ZNF335: variants seen among roughly 807,000 people sequenced by gnomAD.
ZNF335 encodes the protein NRC-interacting factor 1.
A neutral mutation model predicts 145.6 loss-of-function variants in ZNF335; 84 were observed. The ratio of observed to expected loss-of-function variants is 0.58; its 90% confidence interval spans 0.48 to 0.69. The LOEUF is 0.69. ZNF335 is among the 30% of genes least tolerant of loss of function. ZNF335 has a pLI of 0.00. For missense variants in ZNF335, 1,865 were observed against 1,809.7 expected, an observed-to-expected ratio of 1.03 and a Z score of -0.55; for synonymous variants, 761 against 717.0, an observed-to-expected ratio of 1.06 and a Z score of -0.98.
Position 45,963,664 on chromosome 20 carries a change from G to A in ZNF335, c.1356-14C>T. On this transcript the variant is annotated splice_polypyrimidine_tract_variant and intron_variant, in intron 8 of 27. Coordinates refer to ENST00000322927, the MANE Select transcript of ZNF335 (RefSeq NM_022095.4). Reference sequence around the variant, plus strand: ...TTGTAATAGTACCTGCAGGATGAGAGTGTGGCGGAAAGGTCTGGTGGGGTT... The same window carrying A: ...TTGTAATAGTACCTGCAGGATGAGAATGTGGCGGAAAGGTCTGGTGGGGTT... 1 of 1,613,944 alleles carries A rather than the reference G, an allele frequency of 6.2e-7. No individual in the cohort carries two copies. Among genetic ancestry groups the A allele is most frequent in the Non-Finnish European group, 8.5e-7 (1 of 1,179,792 alleles).
intron 20 of ZNF335, 99 bp from the exon 21 acceptor site, chr20:45,950,694 T>TGGAC (rs1298068313): frequency 2.6e-6 from 4 of 1,548,520 alleles, no homozygotes; most frequent in Non-Finnish European, 3.5e-6. Context: ...CCAGACAAAG[T>TGGAC]GGACCTGGGA....
intron 3 of ZNF335, chr20:45,968,567 G>A (rs1181899938): frequency 1.0e-5 from 5 of 488,588 alleles, no homozygotes; most frequent in African/African-American, 1.9e-5. Context: ...GTGACATGCT[G>A]ACTCAGCAGC....
At chr20:45,958,967 A>G (rs1159216064) in intron 15 of ZNF335, among the ~76,000 whole-genome samples, 1 of 152,216 alleles carries the variant, frequency 6.6e-6, no homozygotes, top group East Asian at 1.9e-4. Flanking sequence ...ATTCTTGTAT[A>G]AGAGAGAATA....
At chr20:45,965,585 T>C (rs1270840242) in intron 7 of ZNF335, 43 bp downstream of exon 7, 1 of 1,574,586 alleles carries the variant, frequency 6.4e-7, no homozygotes, top group Non-Finnish European at 8.6e-7. Context: ...GAGAGGCCAC[T>C]CCTGACCCAC....
rs2083656610 is a variant in ZNF335, at chr20:45,952,690, C to A, written c.2722G>T (p.Ala908Ser). Residue 908 changes from alanine to serine, a missense_variant, in exon 19 of 28, where the codon GCA (alanine) becomes TCA (serine). By Grantham distance (99) the Ala-to-Ser change is moderately conservative (BLOSUM62 1). Coordinates refer to ENST00000322927, the MANE Select transcript of ZNF335 (RefSeq NM_022095.4). ...TPYSEEPAGE[A>S]AQAVVVSDTL... ...TCACTCACAACCACAGCCTGGGCTG[C>A]CTCTCCTGCGGGCTCCTCGCTGTGG... 6.2e-7 allele frequency: 1 copy of A among 1,613,606 alleles called. No homozygotes were observed. Among genetic ancestry groups the A allele is most frequent in the African/African-American group, 1.3e-5 (1 of 74,898 alleles).
chr20:45,957,881 C>A lies in ZNF335; in HGVS notation c.2301G>T (p.Leu767Phe), dbSNP rs948465597. 1 of 1,613,890 alleles carries A rather than the reference C, an allele frequency of 6.2e-7. No individual in the cohort carries two copies. Among genetic ancestry groups the A allele is most frequent in the African/African-American group, 1.3e-5 (1 of 74,888 alleles). Residue 767 changes from leucine to phenylalanine, a missense_variant, in exon 16 of 28, where the codon TTG (leucine) becomes TTT (phenylalanine). By Grantham distance (22) the Leu-to-Phe change is conservative. Coordinates refer to ENST00000322927, the MANE Select transcript of ZNF335 (RefSeq NM_022095.4). ...TTFQSSEAPS[L>F]LCSDTLGGAT... Reference sequence around the variant, plus strand: ...CGCCGCCCAGGGTGTCAGAACAGAGCAATGAGGGAGCCTCAGATGACTGGA... The same window carrying A: ...CGCCGCCCAGGGTGTCAGAACAGAGAAATGAGGGAGCCTCAGATGACTGGA...
chr20:45,949,306 G>C, intron 26 of ZNF335, 27 bp downstream of exon 26: 1 of 1,614,030 alleles, frequency 6.2e-7, no homozygotes, highest in Non-Finnish European at 8.5e-7. Context: ...CTGTGCCCCA[G>C]GTCTCCCTGT....
chr20:45,955,151 C>A (rs2083704287), intron 17 of ZNF335, among the ~76,000 whole-genome samples: 1 of 151,454 alleles, frequency 6.6e-6, no homozygotes. Flanking sequence ...GAAATCGAGA[C>A]CATCCTGCTT....
chr20:45,971,937 C>G, intron 1 of ZNF335, 185 bp downstream of exon 1: 3 of 985,448 alleles, frequency 3.0e-6, no homozygotes, highest in Non-Finnish European at 3.6e-6. Context: ...CCAGGCCCGA[C>G]GCCATCTTGT....
chr20:45,965,968 C>G (rs2083945340), intron 6 of ZNF335, among the ~76,000 whole-genome samples, 194 bp from the exon 7 acceptor site: 1 of 152,162 alleles, frequency 6.6e-6, no homozygotes, highest in African/African-American at 2.4e-5. Context: ...AGTTCTTTCT[C>G]TACCCTTCCT....
chr20:45,969,866 C>T, intron 2 of ZNF335, 175 bp from the exon 3 acceptor site: 1 of 771,712 alleles, frequency 1.3e-6, no homozygotes, highest in East Asian at 2.9e-5. Context: ...GTCACAGAGT[C>T]CCCCAGGAAA....
In ZNF335 at chr20:45,967,829, A is replaced by C; in HGVS notation, c.719T>G (p.Val240Gly). ...LQSLEAMMEV[V>G]VVQQFKCKMC... is the part of the protein sequence containing the mutation. ...CTTGCATTTGAACTGCTGCACCACC[A>C]CCACCTCCATCATGGCCTCCAGGCT... The change falls in exon 5 of 28, where the codon GTG becomes GGG. Residue 240 changes from valine to glycine, a missense_variant. Physicochemically the swap from Val to Gly is moderately radical, Grantham distance 109. Coordinates refer to ENST00000322927, the MANE Select transcript of ZNF335 (RefSeq NM_022095.4). The C allele has an allele frequency of 6.2e-7, 1 of 1,613,358 alleles. No individual in the cohort carries two copies. The highest frequency in any genetic ancestry group is 8.5e-7 in the Non-Finnish European group (1 of 1,180,002).
rs1490591365 is a variant in ZNF335, at chr20:45,960,466, C to T, written c.1842G>A (p.Gln614=). The change falls in exon 13 of 28, where the codon CAG becomes CAA. Residue 614 remains glutamine (Q), a synonymous_variant. Transcript: ENST00000322927. The part of the protein sequence containing the change: ...TFKMHLLTHI[Q]AVANRRFKCE... Reference sequence around the variant, plus strand: ...GGATGTACCTGCGGTTGGCAACAGCCTGGATGTGCGTGAGCAGGTGCATTT... The same window carrying T: ...GGATGTACCTGCGGTTGGCAACAGCTTGGATGTGCGTGAGCAGGTGCATTT... 6.2e-7 allele frequency: 1 copy of T among 1,614,090 alleles called. No homozygotes were observed. Among genetic ancestry groups the T allele is most frequent in the Non-Finnish European group, 8.5e-7 (1 of 1,180,046 alleles).
At chr20:45,967,392 G>T in intron 6 of ZNF335, 102 bp downstream of exon 6, 2 of 1,571,716 alleles carry the variant, frequency 1.3e-6, no homozygotes, top group Non-Finnish European at 8.7e-7. Context: ...ACCTGTGGAT[G>T]TGTCTGTGCC....
intron 3 of ZNF335, 99 bp from the exon 4 acceptor site, chr20:45,968,461 C>A: frequency 2.7e-6 from 3 of 1,117,918 alleles, no homozygotes; most frequent in Non-Finnish European, 4.0e-6. Flanking sequence ...CAGGGCTGGT[C>A]CACACTCATT....
Position 45,969,485 on chromosome 20 carries a change from G to A in ZNF335, c.408C>T (p.Ile136=). ...GGTCGGGCCCGATGGTGGACTCGAT[G>A]ATCTTGTCGATGGCCGAGCCCAGGT... is the stretch of plus-strand genomic sequence containing the variant. ...SSDLGSAIDK[I]IESTIGPDLI... The change falls in exon 3 of 28, where the codon ATC becomes ATT. Residue 136 remains isoleucine (I), a synonymous_variant. Transcript: ENST00000322927. 6.4e-7 allele frequency: 1 copy of A among 1,562,190 alleles called. No homozygotes were observed. Among genetic ancestry groups the A allele is most frequent in the African/African-American group, 1.3e-5 (1 of 74,350 alleles).
At chr20:45,957,485 G>T in intron 17 of ZNF335, 101 bp downstream of exon 17, 1 of 1,146,508 alleles carries the variant, frequency 8.7e-7, no homozygotes, top group Non-Finnish European at 1.3e-6. Flanking sequence ...TCCCAAGGGC[G>T]GAGAAGCTCT....
intron 10 of ZNF335, 64 bp downstream of exon 10, chr20:45,962,006 G>T: frequency 7.7e-7 from 1 of 1,296,962 alleles, no homozygotes; most frequent in Non-Finnish European, 1.1e-6. Flanking sequence ...TGGTTATCCC[G>T]GGCCTCCACT....
chr20:45,969,175 T>C (rs1212172314), intron 3 of ZNF335, among the ~76,000 whole-genome samples: 3 of 152,256 alleles, frequency 2.0e-5, no homozygotes, highest in Non-Finnish European at 4.4e-5. Context: ...TTAAATGAGC[T>C]ACTGTATGTA....
Sources: gnomAD v4.1 joint callset for allele counts (sites outside exome capture counted in the v4.1 genomes callset) on GRCh38, gnomAD v4.1.1 for gene constraint, MANE v1.5 for transcripts, NCBI Gene and HGNC (gene_info 2026-07-23, HGNC 2026-07-21) for gene names.